Variants in FOXP2 observed in about 807,000 individuals in gnomAD.
The protein encoded by FOXP2 is forkhead box protein P2.
A neutral mutation model predicts 115.8 loss-of-function variants in FOXP2; 12 were observed. That is an observed-to-expected ratio of 0.10 (90% CI 0.07 to 0.17). The LOEUF (loss-of-function observed/expected upper bound fraction) is 0.17, where lower values mean the gene tolerates loss of function less well. Ranked by LOEUF, FOXP2 falls within the 10% of genes least tolerant of loss-of-function variation. The pLI is 1.00. For synonymous variants in FOXP2, 328 were observed against 297.7 expected, an observed-to-expected ratio of 1.10 and a Z score of -1.05; for missense variants, 629 against 843.5, an observed-to-expected ratio of 0.75 and a Z score of 3.15.
intron 2 of FOXP2, chr7:114,498,832 T>C (rs1325998267): frequency 2.8e-6 from 2 of 717,556 alleles, no homozygotes; most frequent in South Asian, 1.5e-5. Context: ...TGTTGGGTGG[T>C]TGGCTTTGTT....
chr7:114,361,017 T>A (rs892756920), intron 2 of FOXP2, among the ~76,000 whole-genome samples: 1 of 152,126 alleles, frequency 6.6e-6, no homozygotes, highest in Non-Finnish European at 1.5e-5. Context: ...TAACACAGTG[T>A]TGGAATAGGA....
chr7:114,432,518 GT>G (rs1312328726), intron 2 of FOXP2, among the ~76,000 whole-genome samples: 1 of 151,858 alleles, frequency 6.6e-6, no homozygotes, highest in East Asian at 1.9e-4. Flanking sequence ...GGTTTAAAAA[GT>G]AATAATTTTC....
intron 3 of FOXP2, among the ~76,000 whole-genome samples, chr7:114,593,754 C>A (rs936724639): frequency 5.9e-5 from 9 of 152,000 alleles, no homozygotes; most frequent in Admixed American, 5.9e-4. Flanking sequence ...TATTTAATTA[C>A]CAGAAATTTT....
At chr7:114,370,554 C>A (rs940991992) in intron 2 of FOXP2, among the ~76,000 whole-genome samples, 1 of 152,104 alleles carries the variant, frequency 6.6e-6, no homozygotes, top group Non-Finnish European at 1.5e-5. Flanking sequence ...TAGGCATTAC[C>A]AATTTACCAG....
At chr7:114,174,746 T>A (rs1193028653) in intron 1 of FOXP2, among the ~76,000 whole-genome samples, 1 of 152,064 alleles carries the variant, frequency 6.6e-6, no homozygotes, top group African/African-American at 2.4e-5. Context: ...TTCATTCAGG[T>A]TTTACTAAAT....
intron 2 of FOXP2, among the ~76,000 whole-genome samples, chr7:114,407,700 T>C (rs1282688851): frequency 6.6e-6 from 1 of 152,168 alleles, no homozygotes; most frequent in Non-Finnish European, 1.5e-5. Flanking sequence ...TTATCTATTT[T>C]ATTTCTATGC....
At chr7:114,375,410 A>AAT (rs768227401) in intron 2 of FOXP2, among the ~76,000 whole-genome samples, 7 of 152,208 alleles carry the variant, frequency 4.6e-5, no homozygotes, top group Non-Finnish European at 8.8e-5. Context: ...CAGTAGCTAG[A>AAT]ATATAGGCTC....
rs1052407860 is a variant in FOXP2, at chr7:114,231,463, C to T, written c.-101-56556C>T. Among the ~76,000 whole-genome samples, 77 of 152,090 alleles carry T rather than the reference C, an allele frequency of 5.1e-4. 1 individual carries two copies. The highest frequency in any genetic ancestry group is 7.4e-5 in the Non-Finnish European group (5 of 67,990). Reference sequence around the variant, plus strand: ...GGCTGGAGACCTCACACATCGATTTCAAAACGTGTTGTGAATACAAAGCTA... The same window carrying T: ...GGCTGGAGACCTCACACATCGATTTTAAAACGTGTTGTGAATACAAAGCTA... On this transcript the variant is annotated intron_variant, in intron 1 of 17. Transcript: ENST00000634411.
intron 1 of FOXP2, among the ~76,000 whole-genome samples, chr7:114,106,950 T>C (rs542892243): frequency 1.3e-5 from 2 of 152,214 alleles, no homozygotes; most frequent in African/African-American, 4.8e-5. Flanking sequence ...TGGAGAAATA[T>C]GTTTTATAAG....
intron 3 of FOXP2, among the ~76,000 whole-genome samples, chr7:114,605,213 C>A (rs1803249758): frequency 6.6e-6 from 1 of 151,970 alleles, no homozygotes; most frequent in Non-Finnish European, 1.5e-5. Context: ...ATCTTCACAG[C>A]AGATTAAATG....
At chr7:114,224,216 T>C (rs1281702779) in intron 1 of FOXP2, among the ~76,000 whole-genome samples, 1 of 152,170 alleles carries the variant, frequency 6.6e-6, no homozygotes, top group African/African-American at 2.4e-5. Context: ...TTCATAAGAC[T>C]TTATTTTCTT....
At chr7:114,474,934 A>T (rs1215771198) in intron 2 of FOXP2, among the ~76,000 whole-genome samples, 1 of 151,974 alleles carries the variant, frequency 6.6e-6, no homozygotes, top group African/African-American at 2.4e-5. Context: ...GTCATTGGTG[A>T]GGTGATTTGA....
chr7:114,262,877 T>C (rs1795793139), intron 1 of FOXP2, among the ~76,000 whole-genome samples: 1 of 152,210 alleles, frequency 6.6e-6, no homozygotes, highest in African/African-American at 2.4e-5. Flanking sequence ...TTCTTTAATT[T>C]CTACTTTTCT....
chr7:114,159,343 C>CTGAT (rs1258982107), upstream of FOXP2, among the ~76,000 whole-genome samples: 1 of 151,930 alleles, frequency 6.6e-6, no homozygotes, highest in East Asian at 1.9e-4. Context: ...TATTCCTGTC[C>CTGAT]TGATAATAAA....
chr7:114,594,118 G>T (rs1035042330), intron 3 of FOXP2, among the ~76,000 whole-genome samples: 3 of 151,918 alleles, frequency 2.0e-5, no homozygotes, highest in Admixed American at 6.6e-5. Context: ...ATATCAAAAT[G>T]TGGCCTGTTT....
Position 114,659,681 on chromosome 7 carries a change from C to G in FOXP2, c.1647+8C>G. On this transcript the variant is annotated splice_region_variant and intron_variant, in intron 13 of 16. Coordinates refer to ENST00000350908, the MANE Select transcript of FOXP2 (RefSeq NM_014491.4). Reference sequence around the variant, plus strand: ...AATGCAGCAACTTGGAAGGTAACTACTTTTCCAGCAGTTTTAAGATGCCTA... The same window carrying G: ...AATGCAGCAACTTGGAAGGTAACTAGTTTTCCAGCAGTTTTAAGATGCCTA... 6.2e-7 allele frequency: 1 copy of G among 1,610,056 alleles called. No homozygotes were observed. Among genetic ancestry groups the G allele is most frequent in the Non-Finnish European group, 8.5e-7 (1 of 1,176,458 alleles).
At chr7:114,198,633 G>A (rs1793974969) in intron 1 of FOXP2, among the ~76,000 whole-genome samples, 1 of 152,186 alleles carries the variant, frequency 6.6e-6, no homozygotes, top group African/African-American at 2.4e-5. Context: ...ACTTGGCGGG[G>A]CTCACCTCTT....
intron 3 of FOXP2, among the ~76,000 whole-genome samples, chr7:114,577,601 T>C (rs1415375134): frequency 1.3e-5 from 2 of 151,936 alleles, no homozygotes; most frequent in Admixed American, 6.6e-5. Flanking sequence ...TTAGCTCCTT[T>C]CCATGAAGTC....
At chr7:114,155,996 T>C (rs1293230281) in intron 1 of FOXP2, among the ~76,000 whole-genome samples, 1 of 152,072 alleles carries the variant, frequency 6.6e-6, no homozygotes, top group African/African-American at 2.4e-5. Context: ...GCATGTGCAG[T>C]GTGTTTACTG....
Sources: allele counts gnomAD v4.1 joint callset (sites outside exome capture counted in the v4.1 genomes callset), GRCh38; gene constraint gnomAD v4.1.1; transcripts MANE v1.5; gene names NCBI Gene and HGNC (gene_info 2026-07-23, HGNC 2026-07-21).